SNTG2: variants seen among roughly 807,000 people sequenced by gnomAD.
SNTG2 encodes the protein gamma-2-syntrophin.
A neutral mutation model predicts 70.9 loss-of-function variants in SNTG2; 74 were observed. The observed-to-expected ratio is 1.04, with a 90% CI of 0.86 to 1.27. The LOEUF (loss-of-function observed/expected upper bound fraction) is 1.27, where lower values mean the gene tolerates loss of function less well. Ranked by LOEUF, SNTG2 falls within the 50% of genes most tolerant of loss-of-function variation. SNTG2 has a pLI of 0.00. For missense variants in SNTG2, 717 were observed against 690.7 expected (o/e 1.04, Z -0.43); for synonymous variants, 278 against 273.8 (o/e 1.02, Z -0.15).
At chr2:1,152,015 C>G (rs1453481248) in intron 6 of SNTG2, among the ~76,000 whole-genome samples, 1 of 152,114 alleles carries the variant, frequency 6.6e-6, no homozygotes, top group Non-Finnish European at 1.5e-5. Flanking sequence ...AATACGTAAG[C>G]ATTTATGGTC....
In SNTG2 at chr2:1,012,606, G is replaced by A. The variant is rs111844338; in HGVS notation, c.72+61538G>A. On this transcript the variant is annotated intron_variant, in intron 1 of 16. Coordinates refer to ENST00000308624, the MANE Select transcript of SNTG2 (RefSeq NM_018968.4). ...ATTTATAAGGGCAGAGAGAAGGGTG[G>A]TCTGGAAAGGGATTTATAAGGACAG... Among the ~76,000 whole-genome samples, 2 of 104,458 alleles carry A rather than the reference G, an allele frequency of 1.9e-5. 1 individual carries two copies. The highest frequency in any genetic ancestry group is 4.5e-5 in the Non-Finnish European group (2 of 44,446). 68.5% of individuals were successfully genotyped at this position (104,458 alleles called of 152,430 possible). A position where few individuals can be genotyped will look rare whatever the true frequency, so the allele number is the denominator to read the frequency against.
chr2:1,215,541 CT>C (rs1221084772), intron 9 of SNTG2, among the ~76,000 whole-genome samples: 42 of 101,566 alleles, frequency 4.1e-4, no homozygotes, highest in Non-Finnish European at 6.0e-4. Flanking sequence ...TACACTAATT[CT>C]TTTTTTTCTT....
chr2:1,085,601 G>C (rs1308346667), intron 2 of SNTG2, among the ~76,000 whole-genome samples: 2 of 152,228 alleles, frequency 1.3e-5, no homozygotes, highest in Non-Finnish European at 2.9e-5. Context: ...AAACAAAAAA[G>C]AGCAAAACTA....
chr2:956,227 TGCCCCACCCCTGCCCC>T (rs1191822391), intron 1 of SNTG2, among the ~76,000 whole-genome samples: 1 of 29,970 alleles, frequency 3.3e-5, no homozygotes, highest in African/African-American at 1.3e-4. Context: ...GCCCCGCCCC[TGCCCCACCCCTGCCCC>T]GCCCCGCCCC....
At chr2:1,280,970 T>C (rs1195008165) in intron 14 of SNTG2, among the ~76,000 whole-genome samples, 5 of 152,244 alleles carry the variant, frequency 3.3e-5, no homozygotes, top group Admixed American at 6.5e-5. Flanking sequence ...CTATTCAGGC[T>C]CATGGGAAAG....
At chr2:1,219,103 C>T (rs114961079) in intron 9 of SNTG2, among the ~76,000 whole-genome samples, 8 of 152,210 alleles carry the variant, frequency 5.3e-5, no homozygotes, top group East Asian at 3.9e-4. Context: ...CCCAACCCCT[C>T]GGTACTGTTG....
rs748187447 is a variant in SNTG2 at position 1,261,421 on chromosome 2, A to AT, written c.1077+1984dup. Among the ~76,000 whole-genome samples the AT allele has an allele frequency of 1.6e-3, 238 of 152,272 alleles. 1 individual carries two copies. Among genetic ancestry groups the AT allele is most frequent in the Non-Finnish European group, 2.4e-3 (166 of 67,992 alleles). On this transcript the variant is annotated intron_variant, in intron 13 of 16. Coordinates refer to ENST00000308624, the MANE Select transcript of SNTG2 (RefSeq NM_018968.4). The stretch of plus-strand genomic sequence containing the variant: ...CCAGAAATCAAATTCTGAAGTTGTG[A>AT]TTTTGTTTTTTCTCTGATACCTTCT...
At chr2:1,307,900 G>T (rs9679273) in intron 14 of SNTG2, among the ~76,000 whole-genome samples, 2 of 152,084 alleles carry the variant, frequency 1.3e-5, no homozygotes, top group South Asian at 2.1e-4. Flanking sequence ...GCCGCCCTCC[G>T]CACAAACCAC....
At chr2:1,125,631 C>T (rs1667650944) in intron 4 of SNTG2, among the ~76,000 whole-genome samples, 1 of 152,188 alleles carries the variant, frequency 6.6e-6, no homozygotes, top group African/African-American at 2.4e-5. Context: ...GATGGACATG[C>T]TACTTTTCTT....
chr2:1,219,956 T>A (rs1476389012), intron 9 of SNTG2: 2 of 152,236 alleles, frequency 1.3e-5, no homozygotes, highest in African/African-American at 4.8e-5. Flanking sequence ...CTACTACAGA[T>A]AAGCAGATTT....
intron 1 of SNTG2, among the ~76,000 whole-genome samples, chr2:1,080,184 C>T (rs1014932642): frequency 2.0e-5 from 3 of 152,210 alleles, no homozygotes; most frequent in South Asian, 2.1e-4. Context: ...TCAGATGCAT[C>T]GGTCACTGGG....
intron 4 of SNTG2, among the ~76,000 whole-genome samples, chr2:1,105,493 C>G (rs1170620023): frequency 6.6e-6 from 1 of 152,200 alleles, no homozygotes; most frequent in Non-Finnish European, 1.5e-5. Flanking sequence ...GAACCACACA[C>G]GTACGTGCTC....
At chr2:966,932 G>A (rs1421671819) in intron 1 of SNTG2, among the ~76,000 whole-genome samples, 1 of 151,536 alleles carries the variant, frequency 6.6e-6, no homozygotes, top group African/African-American at 2.4e-5. Context: ...GGGCGACAGA[G>A]CAAGACTCTG....
intron 8 of SNTG2, among the ~76,000 whole-genome samples, chr2:1,194,479 A>G (rs772535889): frequency 6.6e-6 from 1 of 151,248 alleles, no homozygotes; most frequent in Non-Finnish European, 1.5e-5. Context: ...GATTTCCTCA[A>G]AGGACTAAAG....
At chr2:970,775 T>C (rs539880308) in intron 1 of SNTG2, among the ~76,000 whole-genome samples, 1 of 151,788 alleles carries the variant, frequency 6.6e-6, no homozygotes, top group South Asian at 2.1e-4. Flanking sequence ...GTCCTTTGGG[T>C]ATATACCCAG....
At chr2:1,083,706 T>C (rs1664498825) in intron 2 of SNTG2, 51 bp downstream of exon 2, 1 of 1,602,390 alleles carries the variant, frequency 6.2e-7, no homozygotes, top group Non-Finnish European at 8.5e-7. Context: ...ACGAGCCCCA[T>C]GAACGGTCTT....
rs547727805 is a variant in SNTG2 at position 991,932 on chromosome 2, T to C, written c.72+40864T>C. Among the ~76,000 whole-genome samples the C allele has an allele frequency of 9.2e-5, 14 of 152,318 alleles. No homozygotes were observed. The East Asian group carries it at 2.7e-3, about 29-fold the overall frequency. ...ACTGGCAGGGAGCGCTTGTAAGTGATGCTGTGCTCACCTGTTAAGTCAAGA... is the reference window on the plus strand; with the variant it reads ...ACTGGCAGGGAGCGCTTGTAAGTGACGCTGTGCTCACCTGTTAAGTCAAGA... On this transcript the variant is annotated intron_variant, in intron 1 of 16. Transcript: ENST00000308624.
chr2:1,041,168 C>A (rs1010402283), intron 1 of SNTG2, among the ~76,000 whole-genome samples: 1 of 152,196 alleles, frequency 6.6e-6, no homozygotes, highest in Non-Finnish European at 1.5e-5. Flanking sequence ...GACACCTTCA[C>A]CTGCAGTTTT....
In SNTG2 at chr2:1,016,479, G is replaced by A. The variant is rs57223153; in HGVS notation, c.72+65411G>A. On this transcript the variant is annotated intron_variant, in intron 1 of 16. Coordinates refer to ENST00000308624, the MANE Select transcript of SNTG2 (RefSeq NM_018968.4). ...TGGCCTCAAACTCCTGATCTCAGGT[G>A]ATCCGCCCGCCTCAGCCTCCCAAAG... is the stretch of plus-strand genomic sequence containing the variant. Among the ~76,000 whole-genome samples the A allele has an allele frequency of 3.1e-3, 475 of 152,282 alleles. 2 individuals carry two copies. Among genetic ancestry groups the A allele is most frequent in the African/African-American group, 0.011 (456 of 41,576 alleles).
Sources: gnomAD v4.1 joint callset for allele counts (sites outside exome capture counted in the v4.1 genomes callset) on GRCh38, gnomAD v4.1.1 for gene constraint, MANE v1.5 for transcripts, NCBI Gene and HGNC (gene_info 2026-07-23, HGNC 2026-07-21) for gene names.